MAP3K9: variants seen among roughly 807,000 people sequenced by gnomAD.
The protein encoded by MAP3K9 is mitogen-activated protein kinase kinase kinase 9, also known as mixed lineage kinase 1 (tyr and ser/thr specificity).
In MAP3K9, 46 loss-of-function variants were observed where a neutral mutation model predicts 95.8. The ratio of observed to expected loss-of-function variants is 0.48; its 90% CI spans 0.38 to 0.61. The LOEUF is 0.61. Among genes scored for constraint, MAP3K9 ranks in the 20% least tolerant of loss-of-function variants. The pLI, the probability that MAP3K9 is intolerant of heterozygous loss-of-function variation, is 0.00. For synonymous variants in MAP3K9, 533 were observed against 593.8 expected, an observed-to-expected ratio of 0.90 and a Z score of 1.49; for missense variants, 1,296 against 1,474.3, an observed-to-expected ratio of 0.88 and a Z score of 1.98.
At chr14:70,794,990 C>CTTTTTTTTTTTTTTTTTTTTTTTTT (rs572010694) in intron 2 of MAP3K9, among the ~76,000 whole-genome samples, 14 of 76,816 alleles carry the variant, frequency 1.8e-4, no homozygotes, top group Non-Finnish European at 1.9e-4. Context: ...TTTTCTTTTC[C>CTTTTTTTTTTTTTTTTTTTTTTTTT]TTTTTTTTTT....
At chr14:70,735,327 G>A (rs965649059) in intron 9 of MAP3K9, among the ~76,000 whole-genome samples, 6 of 151,500 alleles carry the variant, frequency 4.0e-5, no homozygotes, top group African/African-American at 1.2e-4. Context: ...TGTGGGCTAT[G>A]GTTGCCCTGG....
intron 5 of MAP3K9, among the ~76,000 whole-genome samples, chr14:70,743,524 C>A (rs796366000): frequency 7.9e-4 from 120 of 150,996 alleles, no homozygotes; most frequent in African/African-American, 2.5e-3. Context: ...AAAAAAAAAA[C>A]CCCATCAAAA....
chr14:70,732,780 T>G lies in MAP3K9; in HGVS notation c.2589A>C (p.Pro863=), dbSNP rs766643750. 2 of 1,613,668 alleles carry G rather than the reference T, an allele frequency of 1.2e-6. No homozygotes were observed. Among genetic ancestry groups the G allele is most frequent in the East Asian group, 4.5e-5 (2 of 44,846 alleles). ...DSDEIVVYEM[P]VSPVEAPPLS... is the part of the protein sequence containing the mutation. ...GGGGAGGGGCCTCGACTGGGCTGAC[T>G]GGCATCTCATACACGACAATTTCAT... The change falls in exon 11 of 12, where the codon CCA becomes CCC. Residue 863 remains proline, a synonymous_variant. Coordinates refer to ENST00000554752, the MANE Select transcript of MAP3K9 (RefSeq NM_001284230.2).
chr14:70,770,174 T>A (rs897117586), intron 2 of MAP3K9, among the ~76,000 whole-genome samples: 1 of 152,018 alleles, frequency 6.6e-6, no homozygotes, highest in Non-Finnish European at 1.5e-5. Flanking sequence ...GACTCTTCTG[T>A]ATTTTCTGTT....
At chr14:70,791,871 G>T (rs192455299) in intron 2 of MAP3K9, among the ~76,000 whole-genome samples, 132 of 152,296 alleles carry the variant, frequency 8.7e-4, no homozygotes, top group African/African-American at 3.1e-3. Flanking sequence ...TTTGTTTCCT[G>T]CTGTATTCTT....
At position 70,738,374 on chromosome 14, in the gene MAP3K9, G is replaced by A. The variant is rs779950314; in HGVS notation, c.1715C>T (p.Thr572Ile). ...IQLTPGESSK[T>I]WGRSSVVPKE... is the part of the protein sequence containing the mutation. ...TGGGACGACTGAGCTCCTGCCCCAG[G>A]TTTTGCTGCTTTCACCTGGTGTCAC... The change falls in exon 8 of 12, where the codon ACC (threonine) becomes ATC (isoleucine). Residue 572 changes from threonine to isoleucine, a missense_variant. Thr to Ile is a moderately conservative substitution (Grantham distance 89). Around this residue, in one of 5 missense-constraint regions of MAP3K9, gnomAD observed 377 missense variants for 417.1 expected, o/e 0.90. Coordinates refer to ENST00000554752, the MANE Select transcript of MAP3K9 (RefSeq NM_001284230.2). 5 of 1,613,746 alleles carry A rather than the reference G, an allele frequency of 3.1e-6. No homozygotes were observed. In the South Asian group the frequency reaches 5.5e-5, roughly 18 times the overall value.
intron 10 of MAP3K9, among the ~76,000 whole-genome samples, chr14:70,734,114 T>C (rs961674829): frequency 2.6e-5 from 4 of 152,364 alleles, no homozygotes; most frequent in Admixed American, 2.0e-4. Context: ...CATGGGACTT[T>C]GCCTTTGTAA....
At chr14:70,751,135 T>C (rs67446674) in intron 3 of MAP3K9, among the ~76,000 whole-genome samples, 8,971 of 152,298 alleles carry the variant, frequency 0.059, 349 homozygotes, top group Middle Eastern at 0.12. Flanking sequence ...TGTGAGAACT[T>C]CAGTGTGCCC....
At chr14:70,759,825 G>GCTCA (rs1266659223) in intron 3 of MAP3K9, among the ~76,000 whole-genome samples, 1 of 152,190 alleles carries the variant, frequency 6.6e-6, no homozygotes, top group Non-Finnish European at 1.5e-5. Context: ...TGCAATCACA[G>GCTCA]CTCACTGTAG....
chr14:70,769,905 C>T (rs1327321177), intron 2 of MAP3K9, among the ~76,000 whole-genome samples: 1 of 152,190 alleles, frequency 6.6e-6, no homozygotes, highest in African/African-American at 2.4e-5. Flanking sequence ...AGGACTTCAA[C>T]TTATTGTTTG....
chr14:70,753,241 A>G (rs1222587598), intron 3 of MAP3K9, among the ~76,000 whole-genome samples: 2 of 152,238 alleles, frequency 1.3e-5, no homozygotes, highest in African/African-American at 4.8e-5. Flanking sequence ...TATGGCTAGT[A>G]GACCTGTGGT....
chr14:70,785,674 G>A (rs1035047187), intron 2 of MAP3K9, among the ~76,000 whole-genome samples: 1 of 152,032 alleles, frequency 6.6e-6, no homozygotes, highest in African/African-American at 2.4e-5. Context: ...GGATGACCCG[G>A]GATCATTGAG....
At chr14:70,786,557 T>C (rs1195447039) in intron 2 of MAP3K9, among the ~76,000 whole-genome samples, 1 of 152,182 alleles carries the variant, frequency 6.6e-6, no homozygotes, top group African/African-American at 2.4e-5. Context: ...ACTTTGACCT[T>C]GGGACCTTAC....
At chr14:70,739,562 T>C (rs1363371424) in intron 7 of MAP3K9, among the ~76,000 whole-genome samples, 1 of 150,320 alleles carries the variant, frequency 6.7e-6, no homozygotes. Flanking sequence ...TTTAAGCAAA[T>C]ACTGTAGCAA....
intron 5 of MAP3K9, among the ~76,000 whole-genome samples, chr14:70,743,236 C>G (rs955761121): frequency 2.6e-5 from 4 of 152,118 alleles, no homozygotes; most frequent in Non-Finnish European, 5.9e-5. Flanking sequence ...GATCCATCGG[C>G]CTCAGCCTCT....
chr14:70,762,065 T>C (rs57507180), intron 2 of MAP3K9, among the ~76,000 whole-genome samples: 1,925 of 152,334 alleles, frequency 0.013, 50 homozygotes, highest in African/African-American at 0.043. Flanking sequence ...ATCCACATTA[T>C]AGCTTATATC....
intron 1 of MAP3K9, among the ~76,000 whole-genome samples, chr14:70,807,682 TAAC>T (rs1331889087): frequency 6.6e-6 from 1 of 152,146 alleles, no homozygotes; most frequent in African/African-American, 2.4e-5. Context: ...TAATACATAT[TAAC>T]AATACCTTTT....
rs2053982186 is a variant in MAP3K9, at chr14:70,736,047, A to C, written c.1845-18T>G. The C allele has an allele frequency of 6.3e-7, 1 of 1,575,084 alleles. No individual in the cohort carries two copies. Among genetic ancestry groups the C allele is most frequent in the African/African-American group, 1.3e-5 (1 of 74,160 alleles). On this transcript the variant is annotated intron_variant, in intron 8 of 11. Coordinates refer to ENST00000554752, the MANE Select transcript of MAP3K9 (RefSeq NM_001284230.2). ...GAGGGGATCTTCAATGAATAAAGAG[A>C]ATCAGTAGCAGGCAATGGAGGGCAC...
At chr14:70,740,752 C>A (rs1419962444) in intron 6 of MAP3K9, among the ~76,000 whole-genome samples, 1 of 152,180 alleles carries the variant, frequency 6.6e-6, no homozygotes, top group East Asian at 1.9e-4. Flanking sequence ...GTTTCAGTCT[C>A]CTCATCTATC....
Sources: allele counts gnomAD v4.1 joint callset (sites outside exome capture counted in the v4.1 genomes callset), GRCh38; gene constraint gnomAD v4.1.1; regional missense constraint gnomAD v4.1.1; transcripts MANE v1.5; gene names NCBI Gene and HGNC (gene_info 2026-07-23, HGNC 2026-07-21).